SIRPD: variants seen among roughly 807,000 people sequenced by gnomAD.
SIRPD encodes signal regulatory protein delta.
SIRPD carries 21 observed loss-of-function variants against 18.0 expected under a neutral mutation model. That is an observed-to-expected ratio of 1.17 (90% CI 0.83 to 1.68). The LOEUF (loss-of-function observed/expected upper bound fraction) is 1.68, where lower values mean the gene tolerates loss of function less well. SIRPD is among the 40% of genes most tolerant of loss of function. The pLI is 0.00. For missense variants in SIRPD, 295 were observed against 238.4 expected (o/e 1.24, Z -1.56); for synonymous variants, 106 against 92.9 (o/e 1.14, Z -0.81).
rs149059656 is a variant in SIRPD, at chr20:1,537,174, G to A, written c.558C>T (p.Leu186=). The A allele has an allele frequency of 2.0e-4, 321 of 1,613,972 alleles. No homozygotes were observed. The highest frequency in any genetic ancestry group is 2.5e-4 in the Non-Finnish European group (296 of 1,179,986). Residue 186 remains leucine (L), a synonymous_variant, in exon 3 of 4, where the codon CTC becomes CTT. Transcript: ENST00000381623. The part of the protein sequence containing the change: ...TNYFVQPCCC[L]RLLGLTGLLS... ...ACTCACCTGTGAGTCCCAGCAGCCG[G>A]AGGCAGCAGCAGGGTTGGACGAAAT... is the stretch of plus-strand genomic sequence containing the variant.
At position 1,551,829 on chromosome 20, in the gene SIRPD, G is replaced by C. The variant is rs368879981; in HGVS notation, c.283C>G (p.Pro95Ala). ...CGGGTGGAAAAGTCTGTGTTGCCAG[G>C]CTTGGTGGTGTCTCCAATCTCTTTT... ...RVKEIGDTTK[P>A]GNTDFSTRIR... The change falls in exon 2 of 4, where the codon CCT becomes GCT. Residue 95 changes from proline (P) to alanine (A), a missense_variant. By Grantham distance (27) the Pro-to-Ala change is conservative. Transcript: ENST00000381623. 2.5e-6 allele frequency: 4 copies of C among 1,613,988 alleles called. No individual in the cohort carries two copies. Among genetic ancestry groups the C allele is most frequent in the Non-Finnish European group, 3.4e-6 (4 of 1,179,996 alleles).
At chr20:1,547,943 G>A (rs1033495622) in intron 2 of SIRPD, among the ~76,000 whole-genome samples, 8 of 152,168 alleles carry the variant, frequency 5.3e-5, no homozygotes, top group African/African-American at 1.9e-4. Context: ...GTACTCTCAA[G>A]CTTGCTGAAC....
At position 1,534,397 on chromosome 20, in the gene SIRPD, T is replaced by C. The variant is rs555688954; in HGVS notation, c.*28A>G. 5 of 1,612,116 alleles carry C rather than the reference T, an allele frequency of 3.1e-6. No homozygotes were observed. The South Asian group carries it at 4.4e-5, about 14-fold the overall frequency. Reference sequence around the variant, plus strand: ...AGAAGAGTATGGGGGCTTTTGTTATTTACTTGTACGTTCCTTCCCTGTTTG... The same window carrying C: ...AGAAGAGTATGGGGGCTTTTGTTATCTACTTGTACGTTCCTTCCCTGTTTG... On this transcript the variant is annotated 3_prime_UTR_variant, in exon 4 of 4. Coordinates refer to ENST00000381623, the MANE Select transcript of SIRPD (RefSeq NM_178460.3).
At position 1,534,437 on chromosome 20, in the gene SIRPD, C is replaced by T; in HGVS notation, c.582G>A (p.Leu194=). The change falls in exon 4 of 4, where the codon TTG becomes TTA. Residue 194 remains leucine, a synonymous_variant. Transcript: ENST00000381623. Reference sequence around the variant, plus strand: ...TTCCCTGTTTGGATTATTTTGACAGCAAGCCTGAAATACAATAAAAATAAA... The same window carrying T: ...TTCCCTGTTTGGATTATTTTGACAGTAAGCCTGAAATACAATAAAAATAAA... The part of the protein sequence containing the change: ...CCLRLLGLTG[L]LSK 1 of 1,612,100 alleles carries T rather than the reference C, an allele frequency of 6.2e-7. No homozygotes were observed. The highest frequency in any genetic ancestry group is 8.5e-7 in the Non-Finnish European group (1 of 1,179,344).
chr20:1,557,695 T>C lies in SIRPD; in HGVS notation c.-42A>G. Reference sequence around the variant, plus strand: ...GCTTGCTCTGCCTGAATGCCTGTCCTGGAGATGCCCTCGACTCAGTGCTCC... The same window carrying C: ...GCTTGCTCTGCCTGAATGCCTGTCCCGGAGATGCCCTCGACTCAGTGCTCC... On this transcript the variant is annotated 5_prime_UTR_variant, in exon 1 of 4. Coordinates refer to ENST00000381623, the MANE Select transcript of SIRPD (RefSeq NM_178460.3). 1.3e-6 allele frequency: 2 copies of C among 1,595,386 alleles called. No individual in the cohort carries two copies. Among genetic ancestry groups the C allele is most frequent in the African/African-American group, 1.3e-5 (1 of 74,526 alleles).
At chr20:1,555,563 A>G (rs2091036781) in intron 1 of SIRPD, among the ~76,000 whole-genome samples, 1 of 152,250 alleles carries the variant, frequency 6.6e-6, no homozygotes, top group Admixed American at 6.5e-5. Flanking sequence ...TTCACTGTGT[A>G]GACATGTATA....
At chr20:1,555,300 G>T (rs1037166716) in intron 1 of SIRPD, among the ~76,000 whole-genome samples, 1 of 152,148 alleles carries the variant, frequency 6.6e-6, no homozygotes, top group East Asian at 1.9e-4. Context: ...ACTCAAAGAA[G>T]TAAAGAATAG....
intron 2 of SIRPD, among the ~76,000 whole-genome samples, chr20:1,541,013 C>T (rs2090968752): frequency 1.3e-5 from 2 of 152,044 alleles, no homozygotes; most frequent in Non-Finnish European, 2.9e-5. Flanking sequence ...GTATATGTGC[C>T]ACATTTTCTT....
chr20:1,539,463 G>A (rs1228045591), intron 2 of SIRPD, among the ~76,000 whole-genome samples: 1 of 152,186 alleles, frequency 6.6e-6, no homozygotes, highest in African/African-American at 2.4e-5. Flanking sequence ...GTTGTTGGGT[G>A]CAGTGCTCAA....
At chr20:1,548,999 C>T (rs1452013550) in intron 2 of SIRPD, among the ~76,000 whole-genome samples, 1 of 152,078 alleles carries the variant, frequency 6.6e-6, no homozygotes, top group African/African-American at 2.4e-5. Context: ...TTACATTTCT[C>T]TGAGGCTCTG....
intron 2 of SIRPD, chr20:1,540,392 A>G (rs1422578585): frequency 8.9e-6 from 4 of 450,866 alleles, no homozygotes; most frequent in African/African-American, 8.0e-5. Flanking sequence ...CATACAATTT[A>G]CACATTTAAA....
rs2091020080 is a variant in SIRPD, at chr20:1,551,770, G to A, written c.342C>T (p.Thr114=). Residue 114 remains threonine (T), a synonymous_variant, in exon 2 of 4, where the codon ACC becomes ACT. Transcript: ENST00000381623. ...CTTTTATGAACTTCACGCAGTAATA[G>A]GTGCCAGCATCAGCAAGAGAGATTT... The part of the protein sequence containing the change: ...IREISLADAG[T]YYCVKFIKGR... The A allele has an allele frequency of 6.2e-7, 1 of 1,614,060 alleles. No homozygotes were observed. Among genetic ancestry groups the A allele is most frequent in the Non-Finnish European group, 8.5e-7 (1 of 1,179,948 alleles).
intron 2 of SIRPD, among the ~76,000 whole-genome samples, 184 bp from the exon 3 acceptor site, chr20:1,537,494 A>T (rs2123114879): frequency 6.6e-6 from 1 of 152,326 alleles, no homozygotes; most frequent in African/African-American, 2.4e-5. Context: ...AGACACCCTT[A>T]GTGCCTAGGC....
rs183900481 is a variant in SIRPD at position 1,536,847 on chromosome 20, T to C, written c.577+308A>G. Among the ~76,000 whole-genome samples, 305 of 152,102 alleles carry C rather than the reference T, an allele frequency of 2.0e-3. 2 individuals are homozygous for C. The highest frequency in any genetic ancestry group is 7.1e-3 in the African/African-American group (296 of 41,484). ...CCTGCAGGTCAGGCCTAGGGGGTCG[T>C]GGAACCTTCACAGGACATCAGGGGT... On this transcript the variant is annotated intron_variant, in intron 3 of 3. Transcript: ENST00000381623.
At chr20:1,538,405 A>C (rs984848325) in intron 2 of SIRPD, among the ~76,000 whole-genome samples, 3 of 152,148 alleles carry the variant, frequency 2.0e-5, no homozygotes, top group African/African-American at 7.2e-5. Context: ...TCTTTGTTCT[A>C]ACTCTAATCC....
chr20:1,546,746 AT>A (rs986336363), intron 2 of SIRPD, among the ~76,000 whole-genome samples: 8 of 152,150 alleles, frequency 5.3e-5, no homozygotes, highest in African/African-American at 1.9e-4. Flanking sequence ...TCTCATAAAC[AT>A]TTGTTATCTG....
Position 1,537,179 on chromosome 20 carries a change from A to G in SIRPD, c.553T>C (p.Cys185Arg), listed in dbSNP as rs369183444. ...STNYFVQPCC[C>R]LRLLGLTGLL... ...CCTGTGAGTCCCAGCAGCCGGAGGC[A>G]GCAGCAGGGTTGGACGAAATAGTTT... Residue 185 changes from cysteine (C) to arginine (R), a missense_variant, in exon 3 of 4, where the codon TGC (cysteine) becomes CGC (arginine). Cys to Arg is a radical substitution (Grantham distance 180, BLOSUM62 -3). Coordinates refer to ENST00000381623, the MANE Select transcript of SIRPD (RefSeq NM_178460.3). 2 of 1,613,940 alleles carry G rather than the reference A, an allele frequency of 1.2e-6. No individual in the cohort carries two copies. The highest frequency in any genetic ancestry group is 1.3e-5 in the African/African-American group (1 of 74,926).
chr20:1,555,059 C>A (rs2091034304), intron 1 of SIRPD, among the ~76,000 whole-genome samples: 1 of 152,078 alleles, frequency 6.6e-6, no homozygotes, highest in Non-Finnish European at 1.5e-5. Flanking sequence ...AATATAGAAA[C>A]AACTGAAGTG....
rs1055256078 is a variant in SIRPD, at chr20:1,543,386, C to T, written c.422-6076G>A. Among the ~76,000 whole-genome samples, 3 of 152,272 alleles carry T rather than the reference C, an allele frequency of 2.0e-5. No homozygotes were observed. The East Asian group carries it at 5.8e-4, about 29-fold the overall frequency. On this transcript the variant is annotated intron_variant, in intron 2 of 3. Transcript: ENST00000381623. ...AGGGTGTATGTGTCCAAGAATTTAT[C>T]CATTTCTTCTAGATTTTCTAGTTTA...
Sources: allele counts gnomAD v4.1 joint callset (sites outside exome capture counted in the v4.1 genomes callset), GRCh38; gene constraint gnomAD v4.1.1; transcripts MANE v1.5; gene names NCBI Gene and HGNC (gene_info 2026-07-23, HGNC 2026-07-21).